Variants in RPL28 observed in about 807,000 individuals in gnomAD.
RPL28 encodes the protein ribosomal protein L28.
Under a neutral mutation model 12.5 loss-of-function variants are expected in RPL28, and 4 were observed. The observed-to-expected ratio is 0.32, with a 90% confidence interval of 0.16 to 0.73. RPL28 has a LOEUF of 0.73. Ranked by LOEUF, RPL28 falls within the 30% of genes least tolerant of loss-of-function variation. RPL28 has a pLI of 0.66. For synonymous variants in RPL28, 91 were observed against 72.5 expected (o/e 1.26, Z -1.30); for missense variants, 214 against 197.7 (o/e 1.08, Z -0.49).
In RPL28 at chr19:55,390,684, G is replaced by A; in HGVS notation, c.*2352G>A. The stretch of plus-strand genomic sequence containing the variant: ...ACACAGCCCAGCTTAGTGGGCCTCT[G>A]TTCCTGCGGGTGGCCAGCCTGTCTG... On this transcript the variant is annotated 3_prime_UTR_variant, in exon 5 of 5. Coordinates refer to ENST00000344063, the MANE Select transcript of RPL28 (RefSeq NM_000991.5). The A allele has an allele frequency of 2.0e-6, 2 of 985,430 alleles. No individual in the cohort carries two copies. The highest frequency in any genetic ancestry group is 2.4e-6 in the Non-Finnish European group (2 of 829,946). The allele number at this position is 985,430 out of a possible 1,614,324, so 61.0% of individuals were successfully genotyped here.
intron 1 of RPL28, 51 bp downstream of exon 1, chr19:55,386,016 TC>T: frequency 3.4e-6 from 1 of 292,294 alleles, no homozygotes. Context: ...CGCCGCGCAC[TC>T]CCTCTCAGTC....
In RPL28 at chr19:55,389,582, TG is replaced by T. The variant is rs960740951; in HGVS notation, c.*1254del. ...GTCAGGGCCTCGACTTGCCATTGGT[TG>T]GGGTCGTACGGGGCTGGGAGCCCTG... On this transcript the variant is annotated 3_prime_UTR_variant, in exon 5 of 5. Coordinates refer to ENST00000344063, the MANE Select transcript of RPL28 (RefSeq NM_000991.5). 4.1e-6 allele frequency: 4 copies of T among 985,326 alleles called. No homozygotes were observed. The Admixed American group carries it at 2.5e-4, about 61-fold the overall frequency. 61.0% of individuals were successfully genotyped at this position (985,326 alleles called of 1,614,324 possible).
At chr19:55,396,030 C>T (rs1287727585), downstream of RPL28, among the ~76,000 whole-genome samples, 1 of 151,942 alleles carries the variant, frequency 6.6e-6, no homozygotes, top group African/African-American at 2.4e-5. Context: ...GTTATCCTTG[C>T]ACTTTGGGAG....
chr19:55,399,368 T>C (rs1244814704), intron 4 of RPL28, among the ~76,000 whole-genome samples: 1 of 151,968 alleles, frequency 6.6e-6, no homozygotes, highest in Admixed American at 6.6e-5. Context: ...GGTTTCACCA[T>C]GTTGGCCAGG....
At chr19:55,396,483 C>A (rs2090023214), downstream of RPL28, among the ~76,000 whole-genome samples, 1 of 13,730 alleles carries the variant, frequency 7.3e-5, no homozygotes, top group Admixed American at 6.9e-4. Context: ...GTTCTCCCCC[C>A]TCCCCTCCCC....
At chr19:55,387,185 C>T (rs1290017952) in intron 3 of RPL28, 4 of 1,348,224 alleles carry the variant, frequency 3.0e-6, no homozygotes, top group Non-Finnish European at 4.2e-6. Flanking sequence ...CAGGTGCAGG[C>T]CTTTTTGGGG....
At chr19:55,403,207 T>C in exon 5 of RPL28, 1 of 642,424 alleles carries the variant, frequency 1.6e-6, no homozygotes, top group South Asian at 1.7e-5. Flanking sequence ...AAACACTGGT[T>C]TATGAACCCT....
chr19:55,385,952 C>T lies in RPL28; in HGVS notation c.-22C>T, dbSNP rs987598386. On this transcript the variant is annotated 5_prime_UTR_variant, in exon 1 of 5. Transcript: ENST00000344063. Reference sequence around the variant, plus strand: ...CCTTCCTCTTTCCGTCTCAGGTCGCCGCTGCGAAGGGAGGTGAGCGTTCGT... The same window carrying T: ...CCTTCCTCTTTCCGTCTCAGGTCGCTGCTGCGAAGGGAGGTGAGCGTTCGT... The T allele has an allele frequency of 2.9e-5, 7 of 243,204 alleles. No individual in the cohort carries two copies. The highest frequency in any genetic ancestry group is 9.7e-5 in the Admixed American group (2 of 20,520). 15.1% of individuals were successfully genotyped at this position (243,204 alleles called of 1,614,324 possible).
chr19:55,389,309 A>C lies in RPL28; in HGVS notation c.*977A>C. On this transcript the variant is annotated 3_prime_UTR_variant, in exon 5 of 5. Transcript: ENST00000344063. ...AAGAGTATGAGGCTGCAGTGAGCCCATGAGCCCCACCACTACACTCCAGCC... is the reference window on the plus strand; with the variant it reads ...AAGAGTATGAGGCTGCAGTGAGCCCCTGAGCCCCACCACTACACTCCAGCC... 1 of 968,756 alleles carries C rather than the reference A, an allele frequency of 1.0e-6. No individual in the cohort carries two copies. Among genetic ancestry groups the C allele is most frequent in the Non-Finnish European group, 1.2e-6 (1 of 814,998 alleles). The allele number at this position is 968,756 out of a possible 1,614,324, so 60.0% of individuals were successfully genotyped here.
At chr19:55,386,123 C>G (rs988103356) in intron 1 of RPL28, 158 bp downstream of exon 1, 31 of 556,784 alleles carry the variant, frequency 5.6e-5, no homozygotes, top group Non-Finnish European at 9.4e-5. Context: ...ATTTTCCCCT[C>G]ACTCTCATTC....
chr19:55,395,610 A>AT (rs527971864), downstream of RPL28, among the ~76,000 whole-genome samples: 10 of 150,840 alleles, frequency 6.6e-5, no homozygotes, highest in South Asian at 2.1e-4. Flanking sequence ...CACCCGGCTA[A>AT]TTTTTTGTAT....
At chr19:55,401,305 A>C (rs2090055815) in intron 4 of RPL28, 1 of 933,252 alleles carries the variant, frequency 1.1e-6, no homozygotes, top group Non-Finnish European at 1.6e-6. Context: ...TTTATTTAGA[A>C]AAACAAATCC....
chr19:55,401,450 G>A, intron 4 of RPL28: 1 of 1,604,606 alleles, frequency 6.2e-7, no homozygotes, highest in Middle Eastern at 2.3e-4. Context: ...AGCCGCCGCA[G>A]CGCCCGCTTC....
downstream of RPL28, among the ~76,000 whole-genome samples, chr19:55,394,628 G>A (rs1322670558): frequency 6.6e-6 from 1 of 151,782 alleles, no homozygotes; most frequent in Admixed American, 6.6e-5. Context: ...CTGGAGTGCT[G>A]TGGCAAGATC....
chr19:55,392,414 G>A (rs1286035581), downstream of RPL28, among the ~76,000 whole-genome samples: 1 of 152,024 alleles, frequency 6.6e-6, no homozygotes, highest in Non-Finnish European at 1.5e-5. Flanking sequence ...AAGATATTTT[G>A]TAGAGACAGG....
At chr19:55,398,831 A>G (rs866758205) in intron 4 of RPL28, among the ~76,000 whole-genome samples, 1 of 151,950 alleles carries the variant, frequency 6.6e-6, no homozygotes, top group South Asian at 2.1e-4. Flanking sequence ...CCTCCTGAAT[A>G]GCTGAGGCTA....
intron 4 of RPL28, among the ~76,000 whole-genome samples, chr19:55,398,860 CCTGG>C (rs1444149376): frequency 8.5e-5 from 13 of 152,186 alleles, no homozygotes; most frequent in African/African-American, 2.4e-4. Context: ...CACCACAATG[CCTGG>C]CTGATTTTTA....
chr19:55,388,553 AC>A lies in RPL28; in HGVS notation c.*222del, dbSNP rs1443090464. On this transcript the variant is annotated 3_prime_UTR_variant, in exon 5 of 5. Transcript: ENST00000344063. The stretch of plus-strand genomic sequence containing the variant: ...CTTGTCCCTGGTGAGGGCAAGGGTC[AC>A]TGTCTTCACAGAAAAAGTTTGCTGA... The A allele has an allele frequency of 8.0e-7, 1 of 1,256,634 alleles. No homozygotes were observed. The highest frequency in any genetic ancestry group is 1.5e-5 in the African/African-American group (1 of 64,642). 77.8% of individuals were successfully genotyped at this position (1,256,634 alleles called of 1,614,324 possible). A position where few individuals can be genotyped will look rare whatever the true frequency, so the allele number is the denominator to read the frequency against.
chr19:55,395,043 A>G (rs142434081), downstream of RPL28, among the ~76,000 whole-genome samples: 47 of 152,356 alleles, frequency 3.1e-4, no homozygotes, highest in East Asian at 8.7e-3. Context: ...GCCTCTGGAT[A>G]GTCACAATAT....
Sources: allele counts gnomAD v4.1 joint callset (sites outside exome capture counted in the v4.1 genomes callset), GRCh38; gene constraint gnomAD v4.1.1; transcripts MANE v1.5; gene names NCBI Gene and HGNC (gene_info 2026-07-23, HGNC 2026-07-21).